CFAP299: variants seen among roughly 807,000 people sequenced by gnomAD.
CFAP299 encodes the protein cilia and flagella associated protein 299.
In CFAP299, 21 loss-of-function variants were observed where a neutral mutation model predicts 27.0. The observed-to-expected ratio is 0.78, with a 90% CI of 0.55 to 1.12. The LOEUF is 1.12. Ranked by LOEUF, CFAP299 falls within the 50% of genes most tolerant of loss-of-function variation. The probability of loss-of-function intolerance (pLI) is 0.00; values close to 1 mark genes in which losing one functional copy is unlikely to be tolerated. For missense variants in CFAP299, 310 were observed against 276.6 expected (o/e 1.12, Z -0.86); for synonymous variants, 104 against 98.1 (o/e 1.06, Z -0.36).
intron 3 of CFAP299, among the ~76,000 whole-genome samples, chr4:80,799,341 A>G (rs1449619632): frequency 3.1e-5 from 3 of 97,330 alleles, no homozygotes; most frequent in South Asian, 3.0e-4. Flanking sequence ...TAATATTTAT[A>G]TATATAAATG....
intron 3 of CFAP299, among the ~76,000 whole-genome samples, chr4:80,594,636 C>T (rs1294936209): frequency 6.6e-6 from 1 of 151,816 alleles, no homozygotes; most frequent in African/African-American, 2.4e-5. Flanking sequence ...GTATCGCATT[C>T]TTATGTGATC....
chr4:80,415,628 T>A (rs1726962334), intron 2 of CFAP299, among the ~76,000 whole-genome samples: 1 of 152,164 alleles, frequency 6.6e-6, no homozygotes, highest in Non-Finnish European at 1.5e-5. Flanking sequence ...TATATATTTA[T>A]GCTATAGACA....
rs189370809 is a variant in CFAP299, at chr4:80,736,401, C to T, written c.334-133592C>T. ...AAGATCAGATAGTTGTAGATATTTT[C>T]GCAACCTACTCATCTGACAAAGGGC... On this transcript the variant is annotated intron_variant, in intron 3 of 5. Coordinates refer to ENST00000358105, the MANE Select transcript of CFAP299 (RefSeq NM_152770.3). Among the ~76,000 whole-genome samples, 776 of 151,764 alleles carry T rather than the reference C, an allele frequency of 5.1e-3. 4 individuals carry two copies. The highest frequency in any genetic ancestry group is 0.017 in the Middle Eastern group (5 of 294).
rs886230859 is a variant in CFAP299 at position 80,851,012 on chromosome 4, C to G, written c.334-18981C>G. Among the ~76,000 whole-genome samples the G allele has an allele frequency of 6.6e-5, 10 of 151,732 alleles. 1 individual carries two copies. In the East Asian group the frequency reaches 1.9e-3, roughly 29 times the overall value. ...TTTGTTCTTATAACAAACATAAGAG[C>G]AAATTTATGGAATGACATGGTTTTA... On this transcript the variant is annotated intron_variant, in intron 3 of 5. Coordinates refer to ENST00000358105, the MANE Select transcript of CFAP299 (RefSeq NM_152770.3).
intron 3 of CFAP299, among the ~76,000 whole-genome samples, chr4:80,628,060 C>T (rs1739003191): frequency 6.6e-6 from 1 of 152,026 alleles, no homozygotes; most frequent in African/African-American, 2.4e-5. Context: ...AAGCTAAAGA[C>T]ATTACACTAC....
At chr4:80,432,714 A>G (rs1453033487) in intron 2 of CFAP299, among the ~76,000 whole-genome samples, 3 of 151,108 alleles carry the variant, frequency 2.0e-5, no homozygotes, top group African/African-American at 7.3e-5. Context: ...TTGTATTTTT[A>G]GTAGAGATGG....
At chr4:80,946,068 G>T in intron 5 of CFAP299, among the ~76,000 whole-genome samples, 1 of 149,670 alleles carries the variant, frequency 6.7e-6, no homozygotes, top group East Asian at 2.0e-4. Flanking sequence ...CAGGAGAATG[G>T]CTTGAACCTG....
At chr4:80,796,241 G>T (rs1727854798) in intron 3 of CFAP299, among the ~76,000 whole-genome samples, 1 of 152,130 alleles carries the variant, frequency 6.6e-6, no homozygotes, top group Non-Finnish European at 1.5e-5. Context: ...ATCTCAACAG[G>T]CCCCACACCA....
intron 2 of CFAP299, among the ~76,000 whole-genome samples, chr4:80,515,969 G>A (rs1475093580): frequency 6.6e-6 from 1 of 151,224 alleles, no homozygotes; most frequent in African/African-American, 2.4e-5. Context: ...TAATTTAGCG[G>A]ACCAAAATAC....
chr4:80,822,071 T>C (rs2110124894), intron 3 of CFAP299, among the ~76,000 whole-genome samples: 1 of 152,320 alleles, frequency 6.6e-6, no homozygotes, highest in South Asian at 2.1e-4. Flanking sequence ...TTGGACTTGG[T>C]GAAATTAATT....
At chr4:80,882,637 CAA>C (rs36077837) in intron 4 of CFAP299, among the ~76,000 whole-genome samples, 1 of 124,450 alleles carries the variant, frequency 8.0e-6, no homozygotes, top group African/African-American at 2.7e-5. Flanking sequence ...GACTCCGTCT[CAA>C]AAAAAAAAAA....
chr4:80,597,938 C>A (rs1017243933), intron 3 of CFAP299, among the ~76,000 whole-genome samples: 1 of 152,148 alleles, frequency 6.6e-6, no homozygotes, highest in Non-Finnish European at 1.5e-5. Context: ...CTGCCTGCCT[C>A]GGCCTCCCAA....
intron 3 of CFAP299, among the ~76,000 whole-genome samples, chr4:80,778,260 A>G (rs1392563571): frequency 1.3e-5 from 2 of 152,136 alleles, no homozygotes; most frequent in Non-Finnish European, 2.9e-5. Flanking sequence ...GATACTGCCT[A>G]TGCAGAATAT....
At chr4:80,372,119 C>T (rs951251060) in intron 2 of CFAP299, among the ~76,000 whole-genome samples, 5 of 152,180 alleles carry the variant, frequency 3.3e-5, no homozygotes, top group Admixed American at 6.5e-5. Flanking sequence ...AGAGAGACCT[C>T]AGGAAACTTA....
chr4:80,423,080 TA>T (rs1173981220), intron 2 of CFAP299, among the ~76,000 whole-genome samples: 1 of 152,204 alleles, frequency 6.6e-6, no homozygotes, highest in African/African-American at 2.4e-5. Flanking sequence ...TATAAAAGAT[TA>T]AATAGGTACA....
In CFAP299 at chr4:80,505,981, C is replaced by T. The variant is rs1266583016; in HGVS notation, c.243-77112C>T. Among the ~76,000 whole-genome samples the T allele has an allele frequency of 2.0e-5, 3 of 150,940 alleles. No homozygotes were observed. The East Asian group carries it at 5.8e-4, about 29-fold the overall frequency. On this transcript the variant is annotated intron_variant, in intron 2 of 5. Coordinates refer to ENST00000358105, the MANE Select transcript of CFAP299 (RefSeq NM_152770.3). ...AGAGACTCTGTTTCTAATGTGTACA[C>T]ACACACACGTGTGTGCGTGTAAATA...
intron 3 of CFAP299, among the ~76,000 whole-genome samples, chr4:80,669,859 T>C (rs1261071434): frequency 6.6e-6 from 1 of 151,962 alleles, no homozygotes; most frequent in Non-Finnish European, 1.5e-5. Context: ...TTTCATTCCC[T>C]CCACTCCCAA....
intron 3 of CFAP299, among the ~76,000 whole-genome samples, chr4:80,779,482 G>T (rs1159796009): frequency 2.0e-5 from 3 of 152,000 alleles, no homozygotes; most frequent in Non-Finnish European, 2.9e-5. Context: ...CTAGAGATAT[G>T]AGTTATTTGT....
intron 3 of CFAP299, among the ~76,000 whole-genome samples, chr4:80,865,447 ATTATCAGTG>A (rs1732666498): frequency 6.6e-6 from 1 of 152,132 alleles, no homozygotes; most frequent in Non-Finnish European, 1.5e-5. Flanking sequence ...CATCTGTCTG[ATTATCAGTG>A]TTATCATTTC....
Sources: allele counts gnomAD v4.1 joint callset (sites outside exome capture counted in the v4.1 genomes callset), GRCh38; gene constraint gnomAD v4.1.1; transcripts MANE v1.5; gene names NCBI Gene and HGNC (gene_info 2026-07-23, HGNC 2026-07-21).